Variants in CCDC192 observed in about 807,000 individuals in gnomAD.
CCDC192 encodes coiled-coil domain-containing protein 192.
chr5:127,806,470 T>C (rs916583708), intron 5 of CCDC192, among the ~76,000 whole-genome samples: 6 of 152,140 alleles, frequency 3.9e-5, no homozygotes, highest in Non-Finnish European at 8.8e-5. Flanking sequence ...AGCTATTTGA[T>C]TGGACACAGG....
chr5:127,794,744 A>G (rs1351296230), intron 3 of CCDC192, among the ~76,000 whole-genome samples: 1 of 152,216 alleles, frequency 6.6e-6, no homozygotes, highest in East Asian at 1.9e-4. Flanking sequence ...AAGGCTTTCA[A>G]ACAATAGAAG....
chr5:127,889,754 G>A (rs1245896816), intron 6 of CCDC192, among the ~76,000 whole-genome samples: 1 of 152,148 alleles, frequency 6.6e-6, no homozygotes, highest in Non-Finnish European at 1.5e-5. Flanking sequence ...GGCACGCTGG[G>A]CCAGCACCTG....
At chr5:127,896,209 C>A (rs1032881989) in intron 6 of CCDC192, among the ~76,000 whole-genome samples, 2 of 151,860 alleles carry the variant, frequency 1.3e-5, no homozygotes, top group African/African-American at 4.8e-5. Flanking sequence ...GAGGTCCAGG[C>A]AGGAGGATCA....
intron 5 of CCDC192, among the ~76,000 whole-genome samples, chr5:127,842,169 G>A (rs1320460640): frequency 3.3e-5 from 5 of 152,092 alleles, no homozygotes; most frequent in Non-Finnish European, 7.4e-5. Flanking sequence ...ACCCACACCT[G>A]GTTTGATGCT....
At chr5:127,776,892 G>C (rs1214086049) in intron 3 of CCDC192, among the ~76,000 whole-genome samples, 1 of 152,248 alleles carries the variant, frequency 6.6e-6, no homozygotes, top group Non-Finnish European at 1.5e-5. Context: ...TTCCGCCTAG[G>C]TTTCAGAGGA....
intron 6 of CCDC192, among the ~76,000 whole-genome samples, chr5:127,919,067 G>A (rs199781650): frequency 7.4e-6 from 1 of 134,798 alleles, no homozygotes; most frequent in African/African-American, 3.2e-5. Flanking sequence ...ATGTGTGTGT[G>A]TATATATGTG....
At chr5:127,764,532 C>T (rs559855966) in intron 3 of CCDC192, among the ~76,000 whole-genome samples, 10 of 152,292 alleles carry the variant, frequency 6.6e-5, no homozygotes, top group African/African-American at 2.2e-4. Context: ...CAATTTACCA[C>T]TTACGCTATA....
intron 5 of CCDC192, among the ~76,000 whole-genome samples, chr5:127,843,521 T>G (rs1750391742): frequency 6.6e-6 from 1 of 151,228 alleles, no homozygotes; most frequent in Non-Finnish European, 1.5e-5. Context: ...TACTACAACC[T>G]CTACCTCCCG....
intron 5 of CCDC192, among the ~76,000 whole-genome samples, chr5:127,860,307 T>C (rs1162288020): frequency 6.6e-6 from 1 of 152,234 alleles, no homozygotes; most frequent in African/African-American, 2.4e-5. Flanking sequence ...AACTAAATTA[T>C]TGAGAATCGC....
At chr5:127,925,017 T>C (rs1006817355) in intron 6 of CCDC192, among the ~76,000 whole-genome samples, 4 of 152,188 alleles carry the variant, frequency 2.6e-5, no homozygotes, top group African/African-American at 9.7e-5. Flanking sequence ...GTACAATACA[T>C]CTCAACAAAT....
At chr5:127,840,621 ATTGT>A (rs1750239761) in intron 5 of CCDC192, among the ~76,000 whole-genome samples, 1 of 152,134 alleles carries the variant, frequency 6.6e-6, no homozygotes, top group Non-Finnish European at 1.5e-5. Flanking sequence ...AATTTATTAA[ATTGT>A]TAAATTATTT....
chr5:127,752,336 G>T (rs1294567446), intron 2 of CCDC192, among the ~76,000 whole-genome samples: 1 of 152,168 alleles, frequency 6.6e-6, no homozygotes. Flanking sequence ...CTAACAGACA[G>T]GACCCTCAGC....
chr5:127,726,579 G>C (rs1752335586), intron 2 of CCDC192, among the ~76,000 whole-genome samples: 1 of 152,208 alleles, frequency 6.6e-6, no homozygotes, highest in African/African-American at 2.4e-5. Flanking sequence ...TTCTCCTGTG[G>C]GTGCTGGGGA....
At chr5:127,702,247 C>T (rs1030534727), upstream of CCDC192, among the ~76,000 whole-genome samples, 1 of 152,092 alleles carries the variant, frequency 6.6e-6, no homozygotes, top group Non-Finnish European at 1.5e-5. Context: ...CGCCCACCAC[C>T]ACACCCGGCT....
intron 6 of CCDC192, among the ~76,000 whole-genome samples, chr5:127,888,261 C>G (rs1561540534): frequency 6.6e-6 from 1 of 151,632 alleles, no homozygotes; most frequent in African/African-American, 2.4e-5. Flanking sequence ...ACTAAAAATA[C>G]AAAAATTAGC....
chr5:127,827,619 A>C (rs1358130882), intron 5 of CCDC192, among the ~76,000 whole-genome samples: 1 of 152,204 alleles, frequency 6.6e-6, no homozygotes, highest in Non-Finnish European at 1.5e-5. Context: ...TGGTCTGCGG[A>C]AGAACGCCTT....
intron 6 of CCDC192, among the ~76,000 whole-genome samples, chr5:127,908,964 GA>G (rs1753272107): frequency 6.6e-6 from 1 of 152,132 alleles, no homozygotes; most frequent in South Asian, 2.1e-4. Flanking sequence ...TTTGACCAAT[GA>G]AATGTAACTT....
intron 6 of CCDC192, among the ~76,000 whole-genome samples, chr5:127,931,994 CA>C (rs570062426): frequency 6.8e-5 from 10 of 147,242 alleles, no homozygotes; most frequent in South Asian, 2.2e-4. Context: ...TACTAAAATA[CA>C]AAAAAAAAAT....
intron 5 of CCDC192, among the ~76,000 whole-genome samples, chr5:127,868,430 ACAGTT>A (rs1409688475): frequency 6.6e-6 from 1 of 152,226 alleles, no homozygotes; most frequent in African/African-American, 2.4e-5. Context: ...AAAACGCTGG[ACAGTT>A]TGTCCTCTAA....
Sources: gnomAD v4.1 joint callset for allele counts (sites outside exome capture counted in the v4.1 genomes callset) on GRCh38, gnomAD v4.1.1 for gene constraint, MANE v1.5 for transcripts, NCBI Gene and HGNC (gene_info 2026-07-23, HGNC 2026-07-21) for gene names.